Variants in LINC00632 observed in about 807,000 individuals in gnomAD.
The protein encoded by LINC00632 is long independently transcribed non-coding RNA 632, also known as ALDOA related specific transcript.
chrX:140,778,508 G>A (rs1409351923), exon 5 of LINC00632, among the ~76,000 whole-genome samples: 1 of 110,239 alleles, frequency 9.1e-6, no homozygotes, highest in Non-Finnish European at 1.9e-5. Flanking sequence ...GTAAGTCTGA[G>A]GCAGGAGAAT....
At chrX:140,736,561 C>T (rs1404706293) in intron 3 of LINC00632, among the ~76,000 whole-genome samples, 4 of 106,324 alleles carry the variant, frequency 3.8e-5, no homozygotes, top group Non-Finnish European at 5.8e-5. Context: ...CTCAGCCTCC[C>T]GAGTAGCTGG....
intron 2 of LINC00632, among the ~76,000 whole-genome samples, chrX:140,732,197 T>C (rs1028398191): frequency 5.5e-5 from 6 of 109,841 alleles, no homozygotes; most frequent in Non-Finnish European, 1.1e-4. Context: ...AGAGTGAAAC[T>C]CCACCTCAAA....
At chrX:140,712,031 C>T (rs1022101602) in intron 2 of LINC00632, 2 of 110,716 alleles carry the variant, frequency 1.8e-5, no homozygotes, top group African/African-American at 6.6e-5. Flanking sequence ...AATAATCCAA[C>T]GCAACAACTG....
rs372578840 is a variant in LINC00632 at position 140,784,100 on chromosome X, T to C, written n.12119T>C. 11 of 1,209,921 alleles carry C rather than the reference T, an allele frequency of 9.1e-6. No homozygotes were observed. In the African/African-American group the frequency reaches 1.7e-4, roughly 19 times the overall value. ...CCACGTCTTCCAACAAAGCCATGTC[T>C]TCCAGACTATCCATGTCTTCCAGAA... is the stretch of plus-strand genomic sequence containing the variant. On this transcript the variant is annotated non_coding_transcript_exon_variant, in exon 5 of 5. Coordinates refer to ENST00000648200, the Ensembl canonical transcript of LINC00632.
rs139688762 is a variant in LINC00632, at chrX:140,784,003, C to G, written n.12022C>G. 8.3e-6 allele frequency: 10 copies of G among 1,209,670 alleles called. No individual in the cohort carries two copies. The African/African-American group carries it at 1.6e-4, about 19-fold the overall frequency. ...AGACTATCCATGTCTTCCAGAAAAT[C>G]CTTGTCTTCCCTTAAATCTATAGCT... On this transcript the variant is annotated non_coding_transcript_exon_variant, in exon 5 of 5. Transcript: ENST00000648200.
At chrX:140,733,992 GA>G (rs759201738) in intron 3 of LINC00632, 1 of 112,549 alleles carries the variant, frequency 8.9e-6, no homozygotes, top group East Asian at 2.8e-4. Context: ...GGATTGCTCA[GA>G]AACGTCCCTA....
chrX:140,723,384 C>CAT (rs767760135), intron 2 of LINC00632, among the ~76,000 whole-genome samples: 1 of 45,784 alleles, frequency 2.2e-5, no homozygotes, highest in Admixed American at 2.4e-4. Context: ...CATACACACA[C>CAT]ATTCCATACA....
intron 3 of LINC00632, chrX:140,772,061 T>C: frequency 3.5e-6 from 1 of 289,208 alleles, no homozygotes; most frequent in Non-Finnish European, 6.0e-6. Flanking sequence ...CCTATTTTTA[T>C]GTTTGCTTTT....
exon 5 of LINC00632, among the ~76,000 whole-genome samples, chrX:140,791,165 C>A (rs1354283081): frequency 9.1e-6 from 1 of 110,406 alleles, no homozygotes; most frequent in Non-Finnish European, 1.9e-5. Context: ...TATGGAAATG[C>A]CCTTCTGTTC....
exon 5 of LINC00632, among the ~76,000 whole-genome samples, chrX:140,774,991 T>C (rs1042154413): frequency 1.8e-5 from 2 of 112,073 alleles, no homozygotes; most frequent in African/African-American, 6.5e-5. Flanking sequence ...TAGTTTGGTA[T>C]AAGTTAAATT....
chrX:140,753,595 A>AT (rs1931443264), intron 3 of LINC00632, among the ~76,000 whole-genome samples: 1 of 109,734 alleles, frequency 9.1e-6, no homozygotes, highest in African/African-American at 3.3e-5. Context: ...ATATCCCGTT[A>AT]TTTTTTATCT....
chrX:140,771,581 T>C (rs1383643226), intron 3 of LINC00632, among the ~76,000 whole-genome samples: 2 of 102,118 alleles, frequency 2.0e-5, no homozygotes, highest in African/African-American at 3.6e-5. Flanking sequence ...TACAAATTGG[T>C]ACAACCTTTG....
rs964766570 is a variant in LINC00632, at chrX:140,748,456, T to C, written n.191+14492T>C. On this transcript the variant is annotated intron_variant and non_coding_transcript_variant, in intron 3 of 4. Coordinates refer to ENST00000648200, the Ensembl canonical transcript of LINC00632. Reference sequence around the variant, plus strand: ...AGAGTGGTACAGATCTCTTTGTCTTTCTATTCACCCTCTTTCTCTTCCCTC... The same window carrying C: ...AGAGTGGTACAGATCTCTTTGTCTTCCTATTCACCCTCTTTCTCTTCCCTC... Among the ~76,000 whole-genome samples, 6 of 111,672 alleles carry C rather than the reference T, an allele frequency of 5.4e-5. No individual in the cohort carries two copies. In the East Asian group the frequency reaches 1.7e-3, roughly 31 times the overall value.
chrX:140,768,783 T>G (rs1931743277), intron 3 of LINC00632, among the ~76,000 whole-genome samples: 1 of 100,843 alleles, frequency 9.9e-6, no homozygotes, highest in African/African-American at 3.6e-5. Flanking sequence ...TTATATATAT[T>G]TGTATATGTA....
At position 140,779,021 on chromosome X, in the gene LINC00632, G is replaced by A. The variant is rs760273728; in HGVS notation, n.7040G>A. Among the ~76,000 whole-genome samples the A allele has an allele frequency of 1.7e-3, 195 of 112,039 alleles. 1 individual carries two copies. Among genetic ancestry groups the A allele is most frequent in the Non-Finnish European group, 3.1e-3 (167 of 53,217 alleles). The stretch of plus-strand genomic sequence containing the variant: ...AGGAGGATGAGAAAGTTTGATATAC[G>A]CTAAAGGTAGAAATAGAAGTTAATG... On this transcript the variant is annotated non_coding_transcript_exon_variant, in exon 5 of 5. Transcript: ENST00000648200.
intron 3 of LINC00632, among the ~76,000 whole-genome samples, chrX:140,759,659 C>T (rs754216586): frequency 5.8e-4 from 65 of 111,172 alleles, no homozygotes; most frequent in African/African-American, 1.5e-3. Flanking sequence ...ATGTTTGGCT[C>T]GTGTATTCTT....
At chrX:140,762,972 T>G (rs1194223199) in intron 3 of LINC00632, among the ~76,000 whole-genome samples, 56 of 112,180 alleles carry the variant, frequency 5.0e-4, no homozygotes, top group Non-Finnish European at 1.1e-4. Flanking sequence ...ATCTATATAT[T>G]TATAACTCTC....
chrX:140,743,696 C>T (rs1931278387), intron 3 of LINC00632, among the ~76,000 whole-genome samples: 1 of 111,308 alleles, frequency 9.0e-6, no homozygotes, highest in African/African-American at 3.3e-5. Context: ...TATTCATGTA[C>T]CATATTGTGA....
chrX:140,748,376 G>C lies in LINC00632; in HGVS notation n.191+14412G>C, dbSNP rs73590201. On this transcript the variant is annotated intron_variant and non_coding_transcript_variant, in intron 3 of 4. Transcript: ENST00000648200. The stretch of plus-strand genomic sequence containing the variant: ...TTAGAGAAAGTGGGACCATAAACCA[G>C]CAAAAGTATTTCACTGAATTTCACT... Among the ~76,000 whole-genome samples the C allele has an allele frequency of 8.7e-3, 972 of 111,951 alleles. 10 individuals are homozygous for C. The highest frequency in any genetic ancestry group is 0.03 in the African/African-American group (931 of 30,859).
Sources: gnomAD v4.1 joint callset for allele counts (sites outside exome capture counted in the v4.1 genomes callset) on GRCh38, gnomAD v4.1.1 for gene constraint, MANE v1.5 for transcripts, NCBI Gene and HGNC (gene_info 2026-07-23, HGNC 2026-07-21) for gene names.